Variants in FAM227B observed in about 807,000 individuals in gnomAD.
The protein encoded by FAM227B is family with sequence similarity 227 member B.
FAM227B carries 88 observed loss-of-function variants against 73.8 expected under a neutral mutation model. That is an observed-to-expected ratio of 1.19 (90% CI 1.00 to 1.42). FAM227B has a LOEUF of 1.42. FAM227B is among the 40% of genes most tolerant of loss of function. FAM227B has a pLI of 0.00. For missense variants in FAM227B, 632 were observed against 590.9 expected (o/e 1.07, Z -0.72); for synonymous variants, 210 against 190.5 (o/e 1.10, Z -0.84).
At chr15:49,459,582 C>G (rs966560026) in intron 11 of FAM227B, among the ~76,000 whole-genome samples, 21 of 152,012 alleles carry the variant, frequency 1.4e-4, no homozygotes, top group Admixed American at 6.6e-5. Flanking sequence ...CTTGTTTTAT[C>G]TCTTCAATAT....
intron 3 of FAM227B, among the ~76,000 whole-genome samples, chr15:49,597,232 G>A (rs2076937548): frequency 2.0e-5 from 3 of 151,874 alleles, no homozygotes; most frequent in African/African-American, 7.3e-5. Flanking sequence ...CACAAAACAA[G>A]TCTCAATAAA....
chr15:49,544,417 T>A (rs73404106), intron 9 of FAM227B, among the ~76,000 whole-genome samples: 1 of 152,128 alleles, frequency 6.6e-6, no homozygotes, highest in Non-Finnish European at 1.5e-5. Context: ...ATGAAGACTT[T>A]AGGGTTTTCT....
chr15:49,445,709 T>G (rs1205896942), intron 11 of FAM227B, among the ~76,000 whole-genome samples: 2 of 151,500 alleles, frequency 1.3e-5, no homozygotes, highest in Admixed American at 1.3e-4. Flanking sequence ...ATCCATCAAG[T>G]TCAGATGATA....
chr15:49,552,123 TTTTC>T (rs1352906257), intron 9 of FAM227B, among the ~76,000 whole-genome samples: 1 of 152,342 alleles, frequency 6.6e-6, no homozygotes, highest in East Asian at 1.9e-4. Flanking sequence ...CATTAATGTT[TTTTC>T]TTTCTAATTG....
chr15:49,593,149 G>C (rs923300019), intron 3 of FAM227B, among the ~76,000 whole-genome samples: 5 of 152,148 alleles, frequency 3.3e-5, no homozygotes, highest in Admixed American at 2.6e-4. Context: ...TCCTGGGTGA[G>C]GTGATGCCCC....
intron 3 of FAM227B, among the ~76,000 whole-genome samples, chr15:49,609,179 A>T (rs528529930): frequency 6.6e-6 from 1 of 152,060 alleles, no homozygotes; most frequent in East Asian, 1.9e-4. Flanking sequence ...TTATAAAAAC[A>T]TAAAAATATT....
intron 13 of FAM227B, among the ~76,000 whole-genome samples, chr15:49,361,282 G>A (rs2044193775): frequency 6.6e-6 from 1 of 152,036 alleles, no homozygotes. Context: ...GGGTACATGT[G>A]GAGGTTTGTT....
chr15:49,499,775 C>G (rs916689904), intron 11 of FAM227B, among the ~76,000 whole-genome samples: 46 of 152,140 alleles, frequency 3.0e-4, no homozygotes, highest in African/African-American at 9.7e-4. Context: ...AGAGGATAAT[C>G]TTTTCAACAA....
chr15:49,581,417 T>A (rs963516975), intron 5 of FAM227B, among the ~76,000 whole-genome samples: 6 of 151,864 alleles, frequency 4.0e-5, no homozygotes, highest in South Asian at 4.2e-4. Context: ...AACTTCCCCC[T>A]CTCAGGTTCA....
At chr15:49,529,967 GT>G (rs763355052) in intron 10 of FAM227B, among the ~76,000 whole-genome samples, 2 of 151,646 alleles carry the variant, frequency 1.3e-5, no homozygotes, top group Non-Finnish European at 1.5e-5. Flanking sequence ...TTGCTGAGTA[GT>G]TTTCCATGGC....
chr15:49,578,613 A>G (rs1267115879), intron 5 of FAM227B, among the ~76,000 whole-genome samples: 1 of 152,156 alleles, frequency 6.6e-6, no homozygotes, highest in Non-Finnish European at 1.5e-5. Flanking sequence ...AAAGAAGATG[A>G]CATATGACAT....
At chr15:49,559,412 C>A (rs907551328) in intron 9 of FAM227B, among the ~76,000 whole-genome samples, 1 of 152,016 alleles carries the variant, frequency 6.6e-6, no homozygotes, top group African/African-American at 2.4e-5. Context: ...CAACAGAGAG[C>A]ACCTCAATAA....
At chr15:49,382,706 G>A (rs1206124432) in intron 11 of FAM227B, among the ~76,000 whole-genome samples, 6 of 152,032 alleles carry the variant, frequency 3.9e-5, no homozygotes, top group Admixed American at 3.9e-4. Flanking sequence ...TCTTCACAGT[G>A]TCTATGAGAT....
chr15:49,465,776 G>A (rs1375109375), intron 11 of FAM227B, among the ~76,000 whole-genome samples: 1 of 152,138 alleles, frequency 6.6e-6, no homozygotes, highest in Non-Finnish European at 1.5e-5. Context: ...AAATACTTTT[G>A]TTATTCAATC....
intron 1 of FAM227B, among the ~76,000 whole-genome samples, chr15:49,619,806 C>T (rs1401611512): frequency 2.6e-5 from 4 of 152,094 alleles, no homozygotes; most frequent in Non-Finnish European, 1.5e-5. Flanking sequence ...CTTTCCCTAC[C>T]CAGAAAATTC....
intron 11 of FAM227B, among the ~76,000 whole-genome samples, chr15:49,398,174 CA>C (rs999755172): frequency 1.3e-5 from 2 of 151,624 alleles, no homozygotes; most frequent in African/African-American, 4.8e-5. Context: ...CAATGGAAAA[CA>C]AAAAAAGGCA....
At chr15:49,436,801 G>T (rs2051147364) in intron 11 of FAM227B, among the ~76,000 whole-genome samples, 1 of 151,480 alleles carries the variant, frequency 6.6e-6, no homozygotes, top group South Asian at 2.1e-4. Context: ...ACTGTCACTG[G>T]TGTTATTAAA....
rs144305345 is a variant in FAM227B at position 49,510,394 on chromosome 15, T to C, written c.875-2046A>G. ...TTATTTTCTTAAGAAAATTTTTTTA[T>C]CTGAAGTTAATAATTGTTGGATGTT... is the stretch of plus-strand genomic sequence containing the variant. On this transcript the variant is annotated intron_variant, in intron 10 of 15. Transcript: ENST00000299338. Among the ~76,000 whole-genome samples, 299 of 152,254 alleles carry C rather than the reference T, an allele frequency of 2.0e-3. 1 individual carries two copies. Among genetic ancestry groups the C allele is most frequent in the African/African-American group, 6.9e-3 (286 of 41,558 alleles).
chr15:49,501,315 C>T (rs1481737649), intron 11 of FAM227B, among the ~76,000 whole-genome samples: 1 of 152,152 alleles, frequency 6.6e-6, no homozygotes, highest in African/African-American at 2.4e-5. Flanking sequence ...CTGATATGGG[C>T]AGTGAAGCCC....
Sources: gnomAD v4.1 joint callset for allele counts (sites outside exome capture counted in the v4.1 genomes callset) on GRCh38, gnomAD v4.1.1 for gene constraint, MANE v1.5 for transcripts, NCBI Gene and HGNC (gene_info 2026-07-23, HGNC 2026-07-21) for gene names.